DERA: variants seen among roughly 807,000 people sequenced by gnomAD.
The protein encoded by DERA is 2-deoxy-D-ribose 5-phosphate aldolase.
In DERA, 15 loss-of-function variants were observed where a neutral mutation model predicts 41.1. The ratio of observed to expected loss-of-function variants is 0.37; its 90% CI spans 0.24 to 0.56. The LOEUF is 0.56. Ranked by LOEUF, DERA falls within the 20% of genes least tolerant of loss-of-function variation. The probability of loss-of-function intolerance (pLI) is 0.81; values close to 1 mark genes in which losing one functional copy is unlikely to be tolerated. For synonymous variants in DERA, 139 were observed against 137.4 expected (o/e 1.01, Z -0.08); for missense variants, 396 against 403.4 (o/e 0.98, Z 0.16).
At chr12:16,006,427 C>G (rs995552619) in intron 6 of DERA, among the ~76,000 whole-genome samples, 2 of 152,170 alleles carry the variant, frequency 1.3e-5, no homozygotes, top group African/African-American at 4.8e-5. Flanking sequence ...CTGTCTGGGA[C>G]GAAAATCAAG....
chr12:16,008,483 A>T lies in DERA; in HGVS notation c.638-24059A>T, dbSNP rs1254275600. The stretch of plus-strand genomic sequence containing the variant: ...AGAGCAGAGTGTGTGAGGGAAGGAT[A>T]ACTCGTGTCCCTGGTTGCAGAGTCT... On this transcript the variant is annotated intron_variant, in intron 6 of 8. Transcript: ENST00000428559. This position sits in a 1 kb window ranked among gnomAD's most constrained non-coding sequence, Gnocchi z 4.8. Among the ~76,000 whole-genome samples, 1 of 152,200 alleles carries T rather than the reference A, an allele frequency of 6.6e-6. No homozygotes were observed. The highest frequency in any genetic ancestry group is 1.5e-5 in the Non-Finnish European group (1 of 68,028).
At position 15,936,960 on chromosome 12, in the gene DERA, C is replaced by T. The variant is rs369770609; in HGVS notation, c.32-19976C>T. On this transcript the variant is annotated intron_variant, in intron 1 of 8. Coordinates refer to ENST00000428559, the MANE Select transcript of DERA (RefSeq NM_015954.4). The surrounding 1 kb of genome is among the most constrained non-coding windows in gnomAD (Gnocchi z 4.6). ...CTTGTCCTGTCCCGTCCTGTCCTGC[C>T]CTGCCCTGCCCTGTCTTGTCTTTCT... Among the ~76,000 whole-genome samples the T allele has an allele frequency of 3.5e-5, 5 of 141,696 alleles. No homozygotes were observed. The East Asian group carries it at 7.8e-4, about 22-fold the overall frequency. The allele number at this position is 141,696 out of a possible 152,430, so 93.0% of individuals were successfully genotyped here. A position where few individuals can be genotyped will look rare whatever the true frequency, so the allele number is the denominator to read the frequency against.
At chr12:15,934,853 G>T (rs1350053043) in intron 1 of DERA, among the ~76,000 whole-genome samples, 1 of 152,142 alleles carries the variant, frequency 6.6e-6, no homozygotes, top group African/African-American at 2.4e-5. Flanking sequence ...CTTAATTTCT[G>T]AAAAATCTTT....
intron 1 of DERA, 80 bp from the exon 2 acceptor site, chr12:15,956,856 C>T (rs1280904252): frequency 1.0e-6 from 1 of 998,748 alleles, no homozygotes; most frequent in East Asian, 2.4e-5. Context: ...TAAATGTATC[C>T]TTTCAAGGAC....
At chr12:15,919,047 A>G (rs1337749965) in intron 1 of DERA, among the ~76,000 whole-genome samples, 1 of 152,218 alleles carries the variant, frequency 6.6e-6, no homozygotes, top group African/African-American at 2.4e-5. Context: ...TGTACATTTT[A>G]GATTTTAACT....
intron 5 of DERA, among the ~76,000 whole-genome samples, chr12:15,964,167 A>G (rs1203859988): frequency 6.6e-6 from 1 of 152,086 alleles, no homozygotes; most frequent in Non-Finnish European, 1.5e-5. Flanking sequence ...AGCACCTTAC[A>G]CTCATCTCCA....
chr12:15,968,299 G>T (rs1174608121), intron 5 of DERA, among the ~76,000 whole-genome samples: 2 of 152,128 alleles, frequency 1.3e-5, no homozygotes, highest in Non-Finnish European at 2.9e-5. Context: ...CGTTAGCCTG[G>T]ATCTGTAGTT....
At chr12:15,955,695 A>G (rs1168203097) in intron 1 of DERA, among the ~76,000 whole-genome samples, 2 of 152,206 alleles carry the variant, frequency 1.3e-5, no homozygotes, top group Admixed American at 1.3e-4. Context: ...CAATCTCTAT[A>G]CCTTTAATAC....
rs564327108 is a variant in DERA at position 15,993,799 on chromosome 12, G to A, written c.637+11363G>A. ...GGCCCCTCGCTATCCTTTGTTGAGT[G>A]GAAAACACAGAGCTCTGTAGAGGAA... is the stretch of plus-strand genomic sequence containing the variant. On this transcript the variant is annotated intron_variant, in intron 6 of 8. Transcript: ENST00000428559. The surrounding 1 kb of genome is among the most constrained non-coding windows in gnomAD (Gnocchi z 4.4). Among the ~76,000 whole-genome samples the A allele has an allele frequency of 6.6e-6, 1 of 152,096 alleles. No individual in the cohort carries two copies. The highest frequency in any genetic ancestry group is 1.9e-4 in the East Asian group (1 of 5,166).
chr12:16,005,716 T>C (rs1326497192), intron 6 of DERA, among the ~76,000 whole-genome samples: 2 of 152,228 alleles, frequency 1.3e-5, no homozygotes, highest in African/African-American at 2.4e-5. Flanking sequence ...TATTTTTGGA[T>C]AAATTCATCA....
intron 1 of DERA, among the ~76,000 whole-genome samples, chr12:15,956,104 A>G (rs1002463632): frequency 7.9e-5 from 12 of 152,374 alleles, no homozygotes; most frequent in African/African-American, 2.9e-4. Flanking sequence ...CTGACAATGT[A>G]CTAAGTACAA....
At chr12:16,023,499 A>G (rs1213752601) in intron 6 of DERA, among the ~76,000 whole-genome samples, 4 of 116,970 alleles carry the variant, frequency 3.4e-5, no homozygotes, top group Non-Finnish European at 4.8e-5. Flanking sequence ...TTTTTTTGAG[A>G]CGGAGTCTCG....
At chr12:15,978,084 G>C (rs1176592938) in intron 5 of DERA, among the ~76,000 whole-genome samples, 1 of 152,118 alleles carries the variant, frequency 6.6e-6, no homozygotes, top group Non-Finnish European at 1.5e-5. Context: ...TATTTGTATT[G>C]AAAGGAAAGT....
chr12:15,960,000 A>C lies in DERA; in HGVS notation c.373+76A>C. The stretch of plus-strand genomic sequence containing the variant: ...CTTCATACAATGGGGTATTATATGT[A>C]GGTTTGTACTATGATTTAAATTAGT... On this transcript the variant is annotated intron_variant, in intron 4 of 8. Transcript: ENST00000428559. This position sits in a 1 kb window ranked among gnomAD's most constrained non-coding sequence, Gnocchi z 4.5. The C allele has an allele frequency of 9.6e-7, 1 of 1,039,660 alleles. No homozygotes were observed. The highest frequency in any genetic ancestry group is 1.7e-5 in the South Asian group (1 of 60,518). 64.4% of individuals were successfully genotyped at this position (1,039,660 alleles called of 1,614,324 possible).
chr12:16,036,622 A>G lies in DERA; in HGVS notation c.901-68A>G. On this transcript the variant is annotated intron_variant, in intron 8 of 8. Transcript: ENST00000428559. The surrounding 1 kb of genome is among the most constrained non-coding windows in gnomAD (Gnocchi z 4.9). Reference sequence around the variant, plus strand: ...TTAAAACTATTTATTATTATTTGATAGTATAATTATTAACTGATGTGTATA... The same window carrying G: ...TTAAAACTATTTATTATTATTTGATGGTATAATTATTAACTGATGTGTATA... The G allele has an allele frequency of 4.3e-6, 5 of 1,155,896 alleles. No homozygotes were observed. The highest frequency in any genetic ancestry group is 6.3e-6 in the Non-Finnish European group (5 of 793,696). 71.6% of individuals were successfully genotyped at this position (1,155,896 alleles called of 1,614,324 possible). A position where few individuals can be genotyped will look rare whatever the true frequency, so the allele number is the denominator to read the frequency against.
intron 1 of DERA, among the ~76,000 whole-genome samples, chr12:15,955,492 G>A (rs565014047): frequency 6.6e-6 from 1 of 152,230 alleles, no homozygotes; most frequent in Admixed American, 6.5e-5. Flanking sequence ...TGTGAAGTTG[G>A]CTCAGCAAAC....
chr12:15,920,776 A>T (rs956351977), intron 1 of DERA, among the ~76,000 whole-genome samples: 1 of 152,232 alleles, frequency 6.6e-6, no homozygotes, highest in Non-Finnish European at 1.5e-5. Context: ...GCGAGGTTGC[A>T]GTGAGCCGAG....
intron 1 of DERA, among the ~76,000 whole-genome samples, chr12:15,949,772 A>G (rs1788755196): frequency 6.6e-6 from 1 of 152,060 alleles, no homozygotes; most frequent in Non-Finnish European, 1.5e-5. Context: ...TGCAGAAATC[A>G]CCCGTCTTCT....
chr12:15,958,514 CT>C (rs78571301), intron 3 of DERA, among the ~76,000 whole-genome samples, 179 bp downstream of exon 3: 61,951 of 123,968 alleles, frequency 0.5, 14,399 homozygotes, highest in East Asian at 0.87. Flanking sequence ...GAATCTGAGT[CT>C]TTTTTTTTTT....
Sources: allele counts gnomAD v4.1 joint callset (sites outside exome capture counted in the v4.1 genomes callset), GRCh38; gene constraint gnomAD v4.1.1; non-coding constraint Gnocchi (gnomAD v3.1); transcripts MANE v1.5; gene names NCBI Gene and HGNC (gene_info 2026-07-23, HGNC 2026-07-21).